MTG1: variants seen among roughly 807,000 people sequenced by gnomAD.
MTG1 encodes the protein mitochondrial ribosome-associated GTPase 1.
In MTG1, 30 loss-of-function variants were observed where a neutral mutation model predicts 39.5. The ratio of observed to expected loss-of-function variants is 0.76; its 90% CI spans 0.57 to 1.03. The LOEUF is 1.03. Ranked by LOEUF, MTG1 falls within the 50% of genes least tolerant of loss-of-function variation. The probability of loss-of-function intolerance (pLI) is 0.00; values close to 1 mark genes in which losing one functional copy is unlikely to be tolerated. For synonymous variants in MTG1, 217 were observed against 179.0 expected (o/e 1.21, Z -1.69); for missense variants, 513 against 447.4 (o/e 1.15, Z -1.32).
In MTG1 at chr10:133,403,594, G is replaced by A. The variant is rs141822689; in HGVS notation, c.752+821G>A. On this transcript the variant is annotated intron_variant, in intron 9 of 10. Coordinates refer to ENST00000317502, the MANE Select transcript of MTG1 (RefSeq NM_138384.4). ...TGTTGTGTGATCCCCGTGTGTCGTCGTGTGTTGTCCGTCATTCATCCTTTT... is the reference window on the plus strand; with the variant it reads ...TGTTGTGTGATCCCCGTGTGTCGTCATGTGTTGTCCGTCATTCATCCTTTT... Among the ~76,000 whole-genome samples, 389 of 152,342 alleles carry A rather than the reference G, an allele frequency of 2.6e-3. 3 individuals carry two copies. The highest frequency in any genetic ancestry group is 4.3e-3 in the Non-Finnish European group (293 of 68,032).
intron 9 of MTG1, among the ~76,000 whole-genome samples, chr10:133,410,548 A>G (rs1305322504): frequency 1.3e-5 from 2 of 152,142 alleles, no homozygotes; most frequent in Non-Finnish European, 2.9e-5. Context: ...TTGTATTTTT[A>G]GTCTATGTAT....
At chr10:133,414,375 C>T (rs1850090667) in intron 9 of MTG1, among the ~76,000 whole-genome samples, 1 of 152,164 alleles carries the variant, frequency 6.6e-6, no homozygotes, top group African/African-American at 2.4e-5. Flanking sequence ...TTTCCCCCTT[C>T]TCTATTCCAC....
intron 9 of MTG1, among the ~76,000 whole-genome samples, chr10:133,411,662 C>T (rs1850048445): frequency 6.6e-6 from 1 of 151,978 alleles, no homozygotes; most frequent in Non-Finnish European, 1.5e-5. Context: ...CTTTCCTCTT[C>T]TATATGTTTT....
chr10:133,419,645 G>A, intron 10 of MTG1, 53 bp downstream of exon 10: 1 of 1,447,282 alleles, frequency 6.9e-7, no homozygotes, highest in Non-Finnish European at 9.5e-7. Flanking sequence ...CACCCTGGGG[G>A]ACCCCGGCCA....
chr10:133,405,520 A>AT (rs1323980076), intron 9 of MTG1, among the ~76,000 whole-genome samples: 1 of 152,188 alleles, frequency 6.6e-6, no homozygotes, highest in Non-Finnish European at 1.5e-5. Flanking sequence ...ACCTCTGGTA[A>AT]TCACCAGTCT....
intron 9 of MTG1, among the ~76,000 whole-genome samples, chr10:133,406,616 C>T (rs1161824608): frequency 6.6e-6 from 1 of 150,502 alleles, no homozygotes; most frequent in Non-Finnish European, 1.5e-5. Context: ...AAGCGTTTCC[C>T]TTACGTTTTC....
In MTG1 at chr10:133,399,607, C is replaced by G; in HGVS notation, c.499C>G (p.His167Asp). Residue 167 changes from histidine to aspartate, a missense_variant, in exon 6 of 11, where the codon CAC becomes GAC. Transcript: ENST00000317502. ...CCTCATCAACTCCCTCCGGAGGCAG[C>G]ACCTCAGGAAAGGTACTGGCGCGTG... ...SSLINSLRRQ[H>D]LRKGKATRVG... 6.2e-7 allele frequency: 1 copy of G among 1,613,614 alleles called. No individual in the cohort carries two copies.
In MTG1 at chr10:133,402,630, G is replaced by T; in HGVS notation, c.671-62G>T. ...GGCTAGGACTGGAAGGGATGTGTTTGAACTTGGCAGGAACATAGATGTGGC... is the reference window on the plus strand; with the variant it reads ...GGCTAGGACTGGAAGGGATGTGTTTTAACTTGGCAGGAACATAGATGTGGC... On this transcript the variant is annotated intron_variant, in intron 8 of 10. Coordinates refer to ENST00000317502, the MANE Select transcript of MTG1 (RefSeq NM_138384.4). The surrounding 1 kb of genome is among the most constrained non-coding windows in gnomAD (Gnocchi z 4.7). 2 of 1,455,234 alleles carry T rather than the reference G, an allele frequency of 1.4e-6. No homozygotes were observed. Among genetic ancestry groups the T allele is most frequent in the East Asian group, 2.4e-5 (1 of 41,226 alleles). 90.1% of individuals were successfully genotyped at this position (1,455,234 alleles called of 1,614,324 possible).
intron 9 of MTG1, among the ~76,000 whole-genome samples, chr10:133,406,576 A>C (rs1849973358): frequency 6.6e-6 from 1 of 151,724 alleles, no homozygotes; most frequent in African/African-American, 2.4e-5. Flanking sequence ...GGTCTTATAC[A>C]AAAAAAATCT....
Position 133,419,524 on chromosome 10 carries a change from A to C in MTG1, c.797A>C (p.Glu266Ala). ...CTGGGCAGTGCCTGTGACAACGTAG[A>C]GCGCGTGCTGAAGAGTGTGGCTGTG... ...YGLGSACDNVERVLKSVAVKL... is the reference protein window; with the variant it reads ...YGLGSACDNVARVLKSVAVKL... The change falls in exon 10 of 11, where the codon GAG (glutamate) becomes GCG (alanine). Residue 266 changes from glutamate to alanine, a missense_variant. Physicochemically the swap from Glu to Ala is moderately radical, Grantham distance 107 (BLOSUM62 -1). Transcript: ENST00000317502. 1 of 1,610,030 alleles carries C rather than the reference A, an allele frequency of 6.2e-7. No homozygotes were observed. Among genetic ancestry groups the C allele is most frequent in the South Asian group, 1.1e-5 (1 of 90,116 alleles).
Position 133,402,354 on chromosome 10 carries a change from T to C in MTG1, c.670+109T>C. 7.7e-7 allele frequency: 1 copy of C among 1,303,672 alleles called. No homozygotes were observed. Among genetic ancestry groups the C allele is most frequent in the Non-Finnish European group, 1.1e-6 (1 of 913,214 alleles). 80.8% of individuals were successfully genotyped at this position (1,303,672 alleles called of 1,614,324 possible). A position where few individuals can be genotyped will look rare whatever the true frequency, so the allele number is the denominator to read the frequency against. On this transcript the variant is annotated intron_variant, in intron 8 of 10. Coordinates refer to ENST00000317502, the MANE Select transcript of MTG1 (RefSeq NM_138384.4). The surrounding 1 kb of genome is among the most constrained non-coding windows in gnomAD (Gnocchi z 4.7). ...CCTAGACGGGAGTTGTTACTGCCTTTGACCTGGTTGCTGCCAGACCTTCCT... is the reference window on the plus strand; with the variant it reads ...CCTAGACGGGAGTTGTTACTGCCTTCGACCTGGTTGCTGCCAGACCTTCCT...
chr10:133,407,005 C>G (rs751949235), intron 9 of MTG1, among the ~76,000 whole-genome samples: 10 of 149,348 alleles, frequency 6.7e-5, no homozygotes, highest in Non-Finnish European at 1.3e-4. Context: ...GGTCTAGTTT[C>G]ATTCTGCCTG....
intron 9 of MTG1, among the ~76,000 whole-genome samples, chr10:133,411,762 A>AT (rs1035906194): frequency 6.8e-6 from 1 of 146,534 alleles, no homozygotes; most frequent in African/African-American, 2.5e-5. Context: ...CAGCAAATGT[A>AT]TTTTTTACTT....
At chr10:133,397,779 G>GTTTTTTTTTTTGTTTTTT (rs1849808522) in intron 3 of MTG1, among the ~76,000 whole-genome samples, 8 of 139,488 alleles carry the variant, frequency 5.7e-5, no homozygotes, top group African/African-American at 2.2e-4. Flanking sequence ...CGTCCAGCCT[G>GTTTTTTTTTTTGTTTTTT]TTTTTTTTTT....
chr10:133,402,655 C>A lies in MTG1; in HGVS notation c.671-37C>A. On this transcript the variant is annotated intron_variant, in intron 8 of 10. Coordinates refer to ENST00000317502, the MANE Select transcript of MTG1 (RefSeq NM_138384.4). This position sits in a 1 kb window ranked among gnomAD's most constrained non-coding sequence, Gnocchi z 4.7. The stretch of plus-strand genomic sequence containing the variant: ...GAACTTGGCAGGAACATAGATGTGG[C>A]TGTTTCCAGTGCTCACCTCGGCTGC... 1 of 1,551,274 alleles carries A rather than the reference C, an allele frequency of 6.4e-7. No individual in the cohort carries two copies. The highest frequency in any genetic ancestry group is 1.2e-5 in the South Asian group (1 of 85,174).
chr10:133,422,005 G>GC lies in MTG1; in HGVS notation c.*1844dup, dbSNP rs1302606682. Reference sequence around the variant, plus strand: ...TCTCAGTGCTGAGCCCATGGAGGATGCCCCAGGCTGGCGGGACTGGGAAGC... The same window carrying GC: ...TCTCAGTGCTGAGCCCATGGAGGATGCCCCCAGGCTGGCGGGACTGGGAAGC... On this transcript the variant is annotated 3_prime_UTR_variant, in exon 11 of 11. Coordinates refer to ENST00000317502, the MANE Select transcript of MTG1 (RefSeq NM_138384.4). 1 of 152,952 alleles carries GC rather than the reference G, an allele frequency of 6.5e-6. No individual in the cohort carries two copies. The highest frequency in any genetic ancestry group is 1.5e-5 in the Non-Finnish European group (1 of 68,722). 9.5% of individuals were successfully genotyped at this position (152,952 alleles called of 1,614,324 possible).
At position 133,399,141 on chromosome 10, in the gene MTG1, G is replaced by T. The variant is rs779586140; in HGVS notation, c.364-29G>T. The T allele has an allele frequency of 3.7e-6, 6 of 1,614,028 alleles. No individual in the cohort carries two copies. The African/African-American group carries it at 6.7e-5, about 18-fold the overall frequency. ...TCAGTGCACAGACGTCCGACCTGGG[G>T]TGGCTCCATGAGTGGGTGTTTGTTG... On this transcript the variant is annotated intron_variant, in intron 4 of 10. Transcript: ENST00000317502.
intron 9 of MTG1, among the ~76,000 whole-genome samples, chr10:133,412,228 G>A (rs1378114260): frequency 6.6e-6 from 1 of 152,150 alleles, no homozygotes; most frequent in African/African-American, 2.4e-5. Context: ...GAGGGTGAGG[G>A]AAGCCAGATT....
intron 9 of MTG1, among the ~76,000 whole-genome samples, chr10:133,404,391 C>T (rs1202811132): frequency 6.6e-6 from 1 of 152,078 alleles, no homozygotes; most frequent in African/African-American, 2.4e-5. Flanking sequence ...CCTCCCAAAG[C>T]ATTAGGATTA....
Sources: gnomAD v4.1 joint callset for allele counts (sites outside exome capture counted in the v4.1 genomes callset) on GRCh38, gnomAD v4.1.1 for gene constraint, Gnocchi (gnomAD v3.1) non-coding constraint, MANE v1.5 for transcripts, NCBI Gene and HGNC (gene_info 2026-07-23, HGNC 2026-07-21) for gene names.